The following PDE4D variants were observed in gnomAD, a reference collection of about 807,000 sequenced individuals.
PDE4D encodes the protein 3',5'-cyclic-AMP phosphodiesterase 4D.
PDE4D carries 24 observed loss-of-function variants against 87.4 expected under a neutral mutation model. That is an observed-to-expected ratio of 0.27 (90% CI 0.20 to 0.39). The LOEUF is 0.39. Among genes scored for constraint, PDE4D ranks in the 10% least tolerant of loss-of-function variants. The probability of loss-of-function intolerance (pLI) is 1.00; values close to 1 mark genes in which losing one functional copy is unlikely to be tolerated. For synonymous variants in PDE4D, 384 were observed against 383.2 expected (o/e 1.00, Z -0.02); for missense variants, 714 against 1,041.0 (o/e 0.69, Z 4.32).
intron 5 of PDE4D, among the ~76,000 whole-genome samples, chr5:59,062,703 G>GTT (rs34248179): frequency 0.42 from 58,264 of 137,464 alleles, 13,734 homozygotes; most frequent in East Asian, 0.7. Flanking sequence ...AATGCATGTG[G>GTT]TTTTTTTTTT....
At chr5:59,904,131 A>T (rs2152764586) in intron 3 of PDE4D, among the ~76,000 whole-genome samples, 1 of 152,296 alleles carries the variant, frequency 6.6e-6, no homozygotes, top group East Asian at 1.9e-4. Context: ...CCTATTATAA[A>T]TCTAAACCCA....
chr5:60,383,695 A>ACTATTCTGCCT (rs1762015968), intron 1 of PDE4D, among the ~76,000 whole-genome samples: 1 of 152,240 alleles, frequency 6.6e-6, no homozygotes. Flanking sequence ...ATCACTTTAT[A>ACTATTCTGCCT]CTATTCTGCC....
At chr5:59,305,128 G>A (rs1277745940) in intron 1 of PDE4D, among the ~76,000 whole-genome samples, 2 of 152,004 alleles carry the variant, frequency 1.3e-5, no homozygotes, top group African/African-American at 4.8e-5. Context: ...TAGGAGTGTT[G>A]TATTTTTCCA....
chr5:59,229,366 CACTT>C (rs1433318807), intron 1 of PDE4D, among the ~76,000 whole-genome samples: 1 of 152,058 alleles, frequency 6.6e-6, no homozygotes, highest in African/African-American at 2.4e-5. Context: ...AGGAGTTGGT[CACTT>C]ATTTAAAGAA....
intron 1 of PDE4D, among the ~76,000 whole-genome samples, chr5:59,420,906 C>T (rs116817658): frequency 0.019 from 2,958 of 151,968 alleles, 35 homozygotes; most frequent in Non-Finnish European, 0.027. Context: ...GGCAGGAGGG[C>T]GATTTAGGAA....
chr5:59,395,021 G>A (rs374252007), intron 1 of PDE4D, among the ~76,000 whole-genome samples: 4 of 152,158 alleles, frequency 2.6e-5, no homozygotes, highest in Admixed American at 6.5e-5. Flanking sequence ...GCGCTTTTCC[G>A]ACGGGCTTAA....
intron 1 of PDE4D, among the ~76,000 whole-genome samples, chr5:60,350,461 G>A (rs1327452864): frequency 1.3e-5 from 2 of 152,120 alleles, no homozygotes; most frequent in Admixed American, 6.6e-5. Context: ...CTCATGCACT[G>A]GTTACCTCCT....
chr5:59,278,069 T>A (rs1265153035), intron 1 of PDE4D, among the ~76,000 whole-genome samples: 2 of 152,146 alleles, frequency 1.3e-5, no homozygotes, highest in Non-Finnish European at 2.9e-5. Flanking sequence ...TGCGCTATGT[T>A]GTAAGACCAT....
intron 2 of PDE4D, among the ~76,000 whole-genome samples, chr5:60,094,966 C>A (rs764621400): frequency 5.9e-5 from 9 of 152,092 alleles, no homozygotes; most frequent in Non-Finnish European, 1.2e-4. Flanking sequence ...AGAAGTCTAG[C>A]ATTTATGAAA....
intron 1 of PDE4D, among the ~76,000 whole-genome samples, chr5:59,433,835 T>C (rs1487745499): frequency 6.6e-6 from 1 of 152,086 alleles, no homozygotes; most frequent in East Asian, 1.9e-4. Context: ...ATGCTAGACG[T>C]TGCAACGTTA....
intron 1 of PDE4D, among the ~76,000 whole-genome samples, chr5:60,354,156 A>T (rs1301862366): frequency 6.6e-6 from 1 of 152,202 alleles, no homozygotes; most frequent in African/African-American, 2.4e-5. Flanking sequence ...AGAGGTGAAT[A>T]ATTTAGAAAG....
At chr5:59,528,064 C>A (rs1479209179) in intron 1 of PDE4D, among the ~76,000 whole-genome samples, 1 of 152,126 alleles carries the variant, frequency 6.6e-6, no homozygotes, top group Admixed American at 6.5e-5. Context: ...AAGCAAAATT[C>A]TTTTAAGTTC....
intron 2 of PDE4D, among the ~76,000 whole-genome samples, chr5:60,119,562 T>C (rs1342051181): frequency 2.0e-5 from 3 of 152,238 alleles, no homozygotes; most frequent in Non-Finnish European, 4.4e-5. Context: ...AGCTCCTTCA[T>C]TGACCTTGGA....
At chr5:60,223,502 A>G (rs1459441613) in intron 1 of PDE4D, among the ~76,000 whole-genome samples, 1 of 152,092 alleles carries the variant, frequency 6.6e-6, no homozygotes, top group Non-Finnish European at 1.5e-5. Flanking sequence ...CAGGCTCATG[A>G]TGACCCACAA....
intron 5 of PDE4D, among the ~76,000 whole-genome samples, chr5:59,087,482 T>G (rs967226340): frequency 1.3e-5 from 2 of 152,014 alleles, no homozygotes; most frequent in Admixed American, 1.3e-4. Flanking sequence ...AGACCCTATC[T>G]CAATAAATAA....
intron 2 of PDE4D, among the ~76,000 whole-genome samples, chr5:60,048,193 C>T (rs1174098940): frequency 6.6e-6 from 1 of 151,638 alleles, no homozygotes; most frequent in Non-Finnish European, 1.5e-5. Context: ...GCAACCCCTG[C>T]CTTTTTTTGT....
intron 2 of PDE4D, among the ~76,000 whole-genome samples, chr5:60,095,202 C>T (rs1255061129): frequency 6.6e-5 from 10 of 152,224 alleles, no homozygotes; most frequent in Admixed American, 4.6e-4. Flanking sequence ...TTCCTCCAGC[C>T]CCCTCACCCT....
At chr5:60,252,756 A>G (rs947420326) in intron 1 of PDE4D, among the ~76,000 whole-genome samples, 13 of 151,882 alleles carry the variant, frequency 8.6e-5, no homozygotes, top group African/African-American at 1.7e-4. Flanking sequence ...TAGCCTGCCC[A>G]ATCTCTTTGG....
At chr5:59,386,390 T>G (rs1006081428) in intron 1 of PDE4D, among the ~76,000 whole-genome samples, 2 of 152,164 alleles carry the variant, frequency 1.3e-5, no homozygotes, top group African/African-American at 4.8e-5. Flanking sequence ...TTTCTTTTTA[T>G]TACGTGACTT....
Sources: allele counts gnomAD v4.1 joint callset (sites outside exome capture counted in the v4.1 genomes callset), GRCh38; gene constraint gnomAD v4.1.1; transcripts MANE v1.5; gene names NCBI Gene and HGNC (gene_info 2026-07-23, HGNC 2026-07-21).